The following SLC29A4 variants were observed in gnomAD, a reference collection of about 807,000 sequenced individuals.
SLC29A4 encodes the protein solute carrier family 29 member 4.
In SLC29A4, 36 loss-of-function variants were observed where a neutral mutation model predicts 43.9. The ratio of observed to expected loss-of-function variants is 0.82; its 90% CI spans 0.63 to 1.08. SLC29A4 has a LOEUF of 1.08. SLC29A4 is among the 50% of genes least tolerant of loss of function. The probability of loss-of-function intolerance (pLI) is 0.00; values close to 1 mark genes in which losing one functional copy is unlikely to be tolerated. For missense variants in SLC29A4, 869 were observed against 755.3 expected, an observed-to-expected ratio of 1.15 and a Z score of -1.77; for synonymous variants, 491 against 338.0, an observed-to-expected ratio of 1.45 and a Z score of -4.97.
chr7:5,291,563 A>G, intron 4 of SLC29A4, 130 bp from the exon 5 acceptor site: 1 of 1,282,870 alleles, frequency 7.8e-7, no homozygotes, highest in Non-Finnish European at 1.1e-6. Context: ...AGACTCGTAA[A>G]GCATCCCTGG....
rs762088939 is a variant in SLC29A4 at position 5,300,645 on chromosome 7, A to T, written c.1433A>T (p.Lys478Met). The change falls in exon 10 of 11, where the codon AAG becomes ATG. Residue 478 changes from lysine to methionine, a missense_variant. By Grantham distance (95) the Lys-to-Met change is moderately conservative (BLOSUM62 -1). Coordinates refer to ENST00000396872, the MANE Select transcript of SLC29A4 (RefSeq NM_153247.4). ...CTGGCGGCAGGCAAAGTGAGCCCCA[A>T]GCAGCGGGAGCTGGCAGGTGAGGCC... ...MILAAGKVSP[K>M]QRELAGNTMT... is the part of the protein sequence containing the mutation. 2 of 1,608,732 alleles carry T rather than the reference A, an allele frequency of 1.2e-6. No individual in the cohort carries two copies. The highest frequency in any genetic ancestry group is 2.7e-5 in the African/African-American group (2 of 74,814).
At chr7:5,284,032 A>T (rs1360213807) in intron 1 of SLC29A4, among the ~76,000 whole-genome samples, 3 of 72,248 alleles carry the variant, frequency 4.2e-5, no homozygotes, top group East Asian at 9.2e-4. Flanking sequence ...GAGCTGCACG[A>T]CCCCCCCCCC....
Position 5,291,314 on chromosome 7 carries a change from T to G in SLC29A4, c.415+77T>G, listed in dbSNP as rs1004418960. On this transcript the variant is annotated intron_variant, in intron 4 of 10. Coordinates refer to ENST00000396872, the MANE Select transcript of SLC29A4 (RefSeq NM_153247.4). The stretch of plus-strand genomic sequence containing the variant: ...TGGCCGGTCACCCACTCACCCAGTT[T>G]CCCTGAGCCTCACTCCCCTCGTCTG... 2.0e-5 allele frequency: 27 copies of G among 1,342,658 alleles called. 1 individual carries two copies. The highest frequency in any genetic ancestry group is 1.6e-4 in the South Asian group (13 of 80,830). 83.2% of individuals were successfully genotyped at this position (1,342,658 alleles called of 1,614,324 possible). A position where few individuals can be genotyped will look rare whatever the true frequency, so the allele number is the denominator to read the frequency against.
chr7:5,303,036 C>A lies in SLC29A4; in HGVS notation c.*97C>A. The A allele has an allele frequency of 1.5e-6, 2 of 1,375,790 alleles. No homozygotes were observed. Among genetic ancestry groups the A allele is most frequent in the Non-Finnish European group, 2.0e-6 (2 of 1,016,616 alleles). 85.2% of individuals were successfully genotyped at this position (1,375,790 alleles called of 1,614,324 possible). A position where few individuals can be genotyped will look rare whatever the true frequency, so the allele number is the denominator to read the frequency against. On this transcript the variant is annotated 3_prime_UTR_variant, in exon 11 of 11. Transcript: ENST00000396872. ...GTCCCCACCTCAGTGCCTGCGGGGC[C>A]CTGAGCCTCCCCCTGTGCCAGCAGC... is the stretch of plus-strand genomic sequence containing the variant.
chr7:5,302,904 T>C lies in SLC29A4; in HGVS notation c.1558T>C (p.Ser520Pro). Residue 520 changes from serine (S) to proline (P), a missense_variant, in exon 11 of 11, where the codon TCC becomes CCC. Physicochemically the swap from Ser to Pro is moderately conservative, Grantham distance 74. Transcript: ENST00000396872. ...CGCTCACGGCAGCTGCCTGCACGCC[T>C]CCACCGCCAATGGTTCCATCCTCGC... is the stretch of plus-strand genomic sequence containing the variant. The part of the protein sequence containing the change: ...RDAHGSCLHA[S>P]TANGSILAGL 6.2e-7 allele frequency: 1 copy of C among 1,606,972 alleles called. No homozygotes were observed. Among genetic ancestry groups the C allele is most frequent in the Non-Finnish European group, 8.5e-7 (1 of 1,177,652 alleles).
rs1273031311 is a variant in SLC29A4, at chr7:5,304,641, C to T, written c.*1702C>T. 2.6e-5 allele frequency: 4 copies of T among 152,158 alleles called. No individual in the cohort carries two copies. The highest frequency in any genetic ancestry group is 5.9e-5 in the Non-Finnish European group (4 of 68,106). 9.4% of individuals were successfully genotyped at this position (152,158 alleles called of 1,614,324 possible). A position where few individuals can be genotyped will look rare whatever the true frequency, so the allele number is the denominator to read the frequency against. On this transcript the variant is annotated 3_prime_UTR_variant, in exon 11 of 11. Transcript: ENST00000396872. Reference sequence around the variant, plus strand: ...TCTCCTGCCTCAGCCTCTCAAGTAGCTGGGATTACAGGTACGCACCACCAC... The same window carrying T: ...TCTCCTGCCTCAGCCTCTCAAGTAGTTGGGATTACAGGTACGCACCACCAC...
At chr7:5,299,798 C>G (rs62441141) in intron 9 of SLC29A4, among the ~76,000 whole-genome samples, 13,075 of 152,290 alleles carry the variant, frequency 0.086, 661 homozygotes, top group African/African-American at 0.14. Flanking sequence ...TGCCTGTAAT[C>G]CTAGCACTTC....
At chr7:5,298,480 G>A (rs1203121434) in intron 7 of SLC29A4, among the ~76,000 whole-genome samples, 3 of 152,180 alleles carry the variant, frequency 2.0e-5, no homozygotes, top group Admixed American at 6.5e-5. Context: ...ATGATGAGAT[G>A]GAATTTGCTG....
chr7:5,291,492 C>T (rs1171097389), intron 4 of SLC29A4, among the ~76,000 whole-genome samples: 1 of 152,238 alleles, frequency 6.6e-6, no homozygotes, highest in Non-Finnish European at 1.5e-5. Context: ...ACGGCAACAT[C>T]CAGCTTCAAG....
chr7:5,297,149 G>T lies in SLC29A4; in HGVS notation c.833G>T (p.Gly278Val). 2 of 1,601,604 alleles carry T rather than the reference G, an allele frequency of 1.2e-6. No individual in the cohort carries two copies. The highest frequency in any genetic ancestry group is 1.7e-6 in the Non-Finnish European group (2 of 1,178,070). The change falls in exon 7 of 11, where the codon GGC becomes GTC. Residue 278 changes from glycine (G) to valine (V), a missense_variant. Coordinates refer to ENST00000396872, the MANE Select transcript of SLC29A4 (RefSeq NM_153247.4). ...CGGGGCAGGCCAGGCCTGGGCAGGG[G>T]CTATGGCTACCGCGTGCACCACGAC... ...SHRGRPGLGR[G>V]YGYRVHHDVV...
chr7:5,287,742 C>G (rs546793832), intron 1 of SLC29A4, 67 bp from the exon 2 acceptor site: 4 of 1,480,818 alleles, frequency 2.7e-6, no homozygotes, highest in Non-Finnish European at 3.7e-6. Flanking sequence ...CTTTATGGGT[C>G]AGTGCATGAG....
intron 1 of SLC29A4, among the ~76,000 whole-genome samples, chr7:5,285,673 A>T (rs1003290119): frequency 6.6e-6 from 1 of 152,220 alleles, no homozygotes; most frequent in Non-Finnish European, 1.5e-5. Flanking sequence ...GAGACCCAGG[A>T]GATGGGACAA....
chr7:5,295,227 G>T (rs1190512266), intron 6 of SLC29A4, among the ~76,000 whole-genome samples: 3 of 152,098 alleles, frequency 2.0e-5, no homozygotes, highest in Non-Finnish European at 4.4e-5. Flanking sequence ...GTGGCTGGGT[G>T]TGTGTTTGGT....
chr7:5,285,869 C>T (rs1240555986), intron 1 of SLC29A4, among the ~76,000 whole-genome samples: 1 of 152,108 alleles, frequency 6.6e-6, no homozygotes, highest in Non-Finnish European at 1.5e-5. Context: ...AAAAATTAGC[C>T]GGGCCTGGTG....
At chr7:5,295,809 G>T (rs2128089943) in intron 6 of SLC29A4, among the ~76,000 whole-genome samples, 1 of 138,000 alleles carries the variant, frequency 7.2e-6, no homozygotes, top group East Asian at 2.0e-4. Flanking sequence ...CTGGCAGGTA[G>T]ATTTTGTGGT....
intron 5 of SLC29A4, 115 bp downstream of exon 5, chr7:5,291,936 T>A: frequency 7.0e-7 from 1 of 1,436,744 alleles, no homozygotes; most frequent in Middle Eastern, 2.6e-4. Context: ...GCTGGCTGGG[T>A]GCCAGGTGTG....
chr7:5,300,470 T>A lies in SLC29A4; in HGVS notation c.1258T>A (p.Cys420Ser). 11 of 1,611,528 alleles carry A rather than the reference T, an allele frequency of 6.8e-6. No homozygotes were observed. Among genetic ancestry groups the A allele is most frequent in the Non-Finnish European group, 8.5e-6 (10 of 1,179,750 alleles). The change falls in exon 10 of 11, where the codon TGC (cysteine) becomes AGC (serine). Residue 420 changes from cysteine to serine, a missense_variant. Transcript: ENST00000396872. ...CTGGCGGGGCACCCACCTGCTGGCCTGCTCCTGCCTGCGTGTGGTCTTCAT... is the reference window on the plus strand; with the variant it reads ...CTGGCGGGGCACCCACCTGCTGGCCAGCTCCTGCCTGCGTGTGGTCTTCAT... ...VDWRGTHLLA[C>S]SCLRVVFIPL...
rs754358307 is a variant in SLC29A4 at position 5,300,681 on chromosome 7, G to A, written c.1450+19G>A. ...CTGGCAGGTGAGGCCCGCGGGACGT[G>A]GGGGTGGGGGCGTCCTCCCAGCAGC... On this transcript the variant is annotated intron_variant, in intron 10 of 10. Transcript: ENST00000396872. The A allele has an allele frequency of 3.1e-6, 5 of 1,601,052 alleles. No individual in the cohort carries two copies. Among genetic ancestry groups the A allele is most frequent in the Admixed American group, 1.7e-5 (1 of 58,522 alleles).
rs17857336 is a variant in SLC29A4, at chr7:5,300,497, C to T, written c.1285C>T (p.Pro429Ser). The stretch of plus-strand genomic sequence containing the variant: ...CTCCTGCCTGCGTGTGGTCTTCATC[C>T]CCCTCTTCATCCTGTGCGTCTACCC... ...ACSCLRVVFI[P>S]LFILCVYPSG... is the part of the protein sequence containing the mutation. The change falls in exon 10 of 11, where the codon CCC (proline) becomes TCC (serine). Residue 429 changes from proline to serine, a missense_variant. By Grantham distance (74) the Pro-to-Ser change is moderately conservative. Coordinates refer to ENST00000396872, the MANE Select transcript of SLC29A4 (RefSeq NM_153247.4). The T allele has an allele frequency of 2.5e-6, 4 of 1,611,858 alleles. No individual in the cohort carries two copies. In the Admixed American group the frequency reaches 5.0e-5, roughly 20 times the overall value.
Sources: gnomAD v4.1 joint callset for allele counts (sites outside exome capture counted in the v4.1 genomes callset) on GRCh38, gnomAD v4.1.1 for gene constraint, MANE v1.5 for transcripts, NCBI Gene and HGNC (gene_info 2026-07-23, HGNC 2026-07-21) for gene names.